The following RBFOX1 variants were observed in gnomAD, a reference collection of about 807,000 sequenced individuals.
RBFOX1 encodes RNA binding protein fox-1 homolog 1.
In RBFOX1, 8 loss-of-function variants were observed where a neutral mutation model predicts 57.7. The ratio of observed to expected loss-of-function variants is 0.14; its 90% CI spans 0.08 to 0.25. The LOEUF is 0.25. Ranked by LOEUF, RBFOX1 falls within the 10% of genes least tolerant of loss-of-function variation. RBFOX1 has a pLI of 1.00. For missense variants in RBFOX1, 611 were observed against 548.5 expected (o/e 1.11, Z -1.14); for synonymous variants, 326 against 222.4 (o/e 1.47, Z -4.15).
intron 1 of RBFOX1, among the ~76,000 whole-genome samples, chr16:6,162,441 G>A (rs1346621098): frequency 1.3e-5 from 2 of 152,126 alleles, no homozygotes; most frequent in African/African-American, 2.4e-5. Flanking sequence ...AACAGGAAGT[G>A]CCAGGCATGC....
intron 4 of RBFOX1, among the ~76,000 whole-genome samples, chr16:7,509,527 C>G (rs909416467): frequency 6.6e-6 from 1 of 151,966 alleles, no homozygotes. Context: ...TCCCATTAAA[C>G]AGAAGCAAAA....
At chr16:6,460,915 T>G (rs925034562) in intron 2 of RBFOX1, among the ~76,000 whole-genome samples, 1 of 151,604 alleles carries the variant, frequency 6.6e-6, no homozygotes, top group Non-Finnish European at 1.5e-5. Flanking sequence ...CATGGAATAC[T>G]ATGCAGCCAT....
intron 4 of RBFOX1, among the ~76,000 whole-genome samples, chr16:7,392,025 C>G (rs2098036972): frequency 6.6e-6 from 1 of 152,234 alleles, no homozygotes; most frequent in East Asian, 1.9e-4. Flanking sequence ...CTTTTGCAAT[C>G]TCATTTCATG....
chr16:6,470,142 T>G (rs778733420), intron 2 of RBFOX1, among the ~76,000 whole-genome samples: 1 of 152,214 alleles, frequency 6.6e-6, no homozygotes, highest in East Asian at 1.9e-4. Context: ...AAACCAGATT[T>G]AGATACTGCC....
intron 3 of RBFOX1, among the ~76,000 whole-genome samples, chr16:6,852,626 C>T (rs533696974): frequency 9.9e-5 from 15 of 152,174 alleles, no homozygotes; most frequent in South Asian, 2.1e-4. Flanking sequence ...TGGGAACTAG[C>T]TGTCTGGGAG....
At chr16:6,354,618 T>C (rs1214919716) in intron 2 of RBFOX1, among the ~76,000 whole-genome samples, 2 of 152,172 alleles carry the variant, frequency 1.3e-5, no homozygotes, top group Non-Finnish European at 2.9e-5. Flanking sequence ...TCTTCCTGAC[T>C]GTATACTAGC....
At chr16:7,108,405 A>G (rs775973547) in intron 4 of RBFOX1, among the ~76,000 whole-genome samples, 4 of 152,240 alleles carry the variant, frequency 2.6e-5, no homozygotes, top group Admixed American at 6.5e-5. Context: ...GTAATGCAAT[A>G]TAAGACTTTC....
At chr16:6,993,204 T>A (rs974739875) in intron 3 of RBFOX1, among the ~76,000 whole-genome samples, 1 of 151,028 alleles carries the variant, frequency 6.6e-6, no homozygotes, top group African/African-American at 2.4e-5. Flanking sequence ...CTGAATGGTA[T>A]TGATAGCTGT....
intron 3 of RBFOX1, among the ~76,000 whole-genome samples, chr16:6,931,295 G>C (rs12447344): frequency 7.3e-6 from 1 of 136,158 alleles, no homozygotes; most frequent in African/African-American, 2.8e-5. Context: ...CTGTCTGTCT[G>C]TCTATCTATC....
At chr16:7,061,022 C>CTGTG (rs112453963) in intron 4 of RBFOX1, among the ~76,000 whole-genome samples, 2,809 of 149,720 alleles carry the variant, frequency 0.019, 78 homozygotes, top group African/African-American at 0.06. Context: ...GTATGTTCTC[C>CTGTG]TGTGTGTGTG....
intron 2 of RBFOX1, among the ~76,000 whole-genome samples, chr16:6,548,390 T>A (rs1421280054): frequency 6.6e-6 from 1 of 152,162 alleles, no homozygotes; most frequent in South Asian, 2.1e-4. Flanking sequence ...GGGGGGTATG[T>A]AGTGTCTCTT....
chr16:7,549,929 TTTTTC>T (rs1567780760), intron 5 of RBFOX1, among the ~76,000 whole-genome samples: 4 of 152,222 alleles, frequency 2.6e-5, no homozygotes, highest in East Asian at 1.9e-4. Context: ...TCTCTTTTTC[TTTTTC>T]TTTTATTTTT....
At chr16:7,479,422 G>A (rs946314070) in intron 4 of RBFOX1, among the ~76,000 whole-genome samples, 2 of 152,096 alleles carry the variant, frequency 1.3e-5, no homozygotes, top group African/African-American at 2.4e-5. Context: ...GAGCCGGGGT[G>A]CCTGGCCCAA....
exon 2 of RBFOX1, chr16:5,467,216 G>A (rs1231933633): frequency 2.0e-6 from 3 of 1,465,906 alleles, no homozygotes; most frequent in African/African-American, 2.9e-5. Flanking sequence ...TTTAATGCAG[G>A]ATCTACTGTG....
chr16:7,390,677 A>G (rs1269475507), intron 4 of RBFOX1, among the ~76,000 whole-genome samples: 1 of 152,190 alleles, frequency 6.6e-6, no homozygotes, highest in Non-Finnish European at 1.5e-5. Flanking sequence ...ATTTTTGATG[A>G]AAAGAATCAA....
chr16:6,834,360 A>G (rs1187545828), intron 3 of RBFOX1, among the ~76,000 whole-genome samples: 1 of 152,094 alleles, frequency 6.6e-6, no homozygotes, highest in Non-Finnish European at 1.5e-5. Context: ...TGCAGGCATG[A>G]GGCACCACGC....
intron 12 of RBFOX1, among the ~76,000 whole-genome samples, chr16:7,658,791 C>A (rs952788034): frequency 6.6e-6 from 1 of 152,226 alleles, no homozygotes; most frequent in South Asian, 2.1e-4. Flanking sequence ...GTGGTACAAT[C>A]TCTGCTCACT....
chr16:6,707,486 T>TTTG (rs2062967445), intron 3 of RBFOX1, among the ~76,000 whole-genome samples: 1 of 151,378 alleles, frequency 6.6e-6, no homozygotes, highest in South Asian at 2.1e-4. Flanking sequence ...TTGTTTTTTT[T>TTTG]TTTTTTTTGC....
At chr16:7,002,066 C>A (rs543087711) in intron 3 of RBFOX1, among the ~76,000 whole-genome samples, 3 of 152,134 alleles carry the variant, frequency 2.0e-5, no homozygotes, top group East Asian at 1.9e-4. Flanking sequence ...CCGAGAGATT[C>A]CTGGGGGACT....
Sources: allele counts gnomAD v4.1 joint callset (sites outside exome capture counted in the v4.1 genomes callset), GRCh38; gene constraint gnomAD v4.1.1; transcripts MANE v1.5; gene names NCBI Gene and HGNC (gene_info 2026-07-23, HGNC 2026-07-21).